HSF2BP: variants seen among roughly 807,000 people sequenced by gnomAD.
The protein encoded by HSF2BP is heat shock transcription factor 2 binding protein.
Under a neutral mutation model 35.0 loss-of-function variants are expected in HSF2BP, and 35 were observed. The observed-to-expected ratio is 1.00, with a 90% CI of 0.76 to 1.32. The LOEUF is 1.32. Ranked by LOEUF, HSF2BP falls within the 40% of genes most tolerant of loss-of-function variation. The pLI is 0.00. For synonymous variants in HSF2BP, 114 were observed against 117.4 expected, an observed-to-expected ratio of 0.97 and a Z score of 0.18; for missense variants, 326 against 321.7, an observed-to-expected ratio of 1.01 and a Z score of -0.10.
intron 7 of HSF2BP, among the ~76,000 whole-genome samples, chr21:43,598,560 A>G (rs1006791058): frequency 6.6e-6 from 1 of 151,880 alleles, no homozygotes; most frequent in Non-Finnish European, 1.5e-5. Flanking sequence ...AATGCTCTGG[A>G]GCCAGAAAAG....
At chr21:43,591,705 C>T (rs2081927616) in intron 8 of HSF2BP, among the ~76,000 whole-genome samples, 7 of 152,204 alleles carry the variant, frequency 4.6e-5, no homozygotes, top group Admixed American at 4.6e-4. Flanking sequence ...AGCCAGTCAA[C>T]CATGGTCTGG....
intron 7 of HSF2BP, among the ~76,000 whole-genome samples, chr21:43,594,444 G>C (rs987924999): frequency 3.9e-5 from 6 of 152,182 alleles, no homozygotes; most frequent in Admixed American, 2.0e-4. Context: ...GTAAGTATTA[G>C]AGCATTCTAA....
intron 4 of HSF2BP, among the ~76,000 whole-genome samples, chr21:43,641,436 C>T (rs1461035488): frequency 6.6e-6 from 1 of 152,200 alleles, no homozygotes; most frequent in Admixed American, 6.5e-5. Context: ...AGTGCACCTC[C>T]TCCACTGACC....
At position 43,571,856 on chromosome 21, in the gene HSF2BP, G is replaced by A. The variant is rs142183905; in HGVS notation, c.796+20369C>T. On this transcript the variant is annotated intron_variant, in intron 8 of 8. Coordinates refer to ENST00000291560, the MANE Select transcript of HSF2BP (RefSeq NM_007031.2). ...ATGGACCCTGACCAGAGCCCCTTCC[G>A]GTTTTCAGTGGGGATGTCAGTGGTG... Among the ~76,000 whole-genome samples, 581 of 141,596 alleles carry A rather than the reference G, an allele frequency of 4.1e-3. 2 individuals are homozygous for A. Among genetic ancestry groups the A allele is most frequent in the Non-Finnish European group, 5.5e-3 (362 of 65,514 alleles). The allele number at this position is 141,596 out of a possible 152,430, so 92.9% of individuals were successfully genotyped here. A position where few individuals can be genotyped will look rare whatever the true frequency, so the allele number is the denominator to read the frequency against.
intron 6 of HSF2BP, among the ~76,000 whole-genome samples, chr21:43,624,296 T>C (rs1314025126): frequency 3.3e-5 from 5 of 152,366 alleles, no homozygotes; most frequent in South Asian, 4.1e-4. Flanking sequence ...CCAGTAAGTT[T>C]AAGCTCAAAA....
chr21:43,467,924 CCA>C, the HSF2BP span, among the ~76,000 whole-genome samples: 219 of 119,470 alleles, frequency 1.8e-3, 5 homozygotes, highest in African/African-American at 7.1e-3. Flanking sequence ...ACCACACACA[CCA>C]CACACCACAC....
At chr21:43,586,357 G>A (rs1461670316) in intron 8 of HSF2BP, among the ~76,000 whole-genome samples, 4 of 152,166 alleles carry the variant, frequency 2.6e-5, no homozygotes, top group Non-Finnish European at 4.4e-5. Flanking sequence ...AACTGGTCTC[G>A]TACTCTGAAT....
intron 6 of HSF2BP, among the ~76,000 whole-genome samples, chr21:43,630,045 C>T (rs535847325): frequency 2.6e-5 from 4 of 152,326 alleles, no homozygotes; most frequent in Non-Finnish European, 4.4e-5. Context: ...ATCAATATCA[C>T]GGCAAGACCC....
At chr21:43,591,661 C>T (rs912482248) in intron 8 of HSF2BP, among the ~76,000 whole-genome samples, 1 of 152,224 alleles carries the variant, frequency 6.6e-6, no homozygotes, top group African/African-American at 2.4e-5. Flanking sequence ...GTAGGCCCCT[C>T]TTATCCACAG....
At chr21:43,651,344 C>T (rs903154203) in intron 3 of HSF2BP, among the ~76,000 whole-genome samples, 3 of 152,192 alleles carry the variant, frequency 2.0e-5, no homozygotes, top group Admixed American at 1.3e-4. Context: ...TCCATACTCT[C>T]ACTGCCGATC....
chr21:43,641,029 G>C (rs772096245), intron 4 of HSF2BP, among the ~76,000 whole-genome samples: 14 of 152,108 alleles, frequency 9.2e-5, no homozygotes. Flanking sequence ...CTGTATTTTA[G>C]CTTAACTACA....
intron 3 of HSF2BP, among the ~76,000 whole-genome samples, chr21:43,649,068 T>G (rs961411846): frequency 2.0e-5 from 3 of 152,054 alleles, no homozygotes; most frequent in African/African-American, 7.2e-5. Flanking sequence ...TAAAAAAATT[T>G]TTTTGAGATG....
chr21:43,657,916 G>C, intron 2 of HSF2BP, 145 bp downstream of exon 2: 3 of 1,465,574 alleles, frequency 2.0e-6, no homozygotes, highest in Non-Finnish European at 9.0e-7. Context: ...CTCCGGCCCA[G>C]CCCACGCCGT....
chr21:43,595,067 C>T (rs896048601), intron 7 of HSF2BP, among the ~76,000 whole-genome samples: 11 of 152,136 alleles, frequency 7.2e-5, no homozygotes, highest in African/African-American at 2.7e-4. Context: ...CCAAGACCAC[C>T]CTGGCCAACA....
At chr21:43,603,950 G>A (rs1334560664) in intron 7 of HSF2BP, among the ~76,000 whole-genome samples, 1 of 152,142 alleles carries the variant, frequency 6.6e-6, no homozygotes, top group Non-Finnish European at 1.5e-5. Flanking sequence ...CCACTGACCT[G>A]CAGGGCCCAC....
chr21:43,596,356 T>C (rs1187142917), intron 7 of HSF2BP, among the ~76,000 whole-genome samples: 2 of 151,812 alleles, frequency 1.3e-5, no homozygotes, highest in South Asian at 2.1e-4. Flanking sequence ...AGAATGAATA[T>C]ACAAAAATAA....
At chr21:43,623,575 G>A (rs371088097) in intron 6 of HSF2BP, among the ~76,000 whole-genome samples, 26 of 152,254 alleles carry the variant, frequency 1.7e-4, no homozygotes, top group African/African-American at 5.3e-4. Context: ...TCTTGTAGAC[G>A]ACACTCCCAT....
intron 7 of HSF2BP, among the ~76,000 whole-genome samples, chr21:43,606,056 C>T (rs542674103): frequency 3.9e-5 from 6 of 152,250 alleles, no homozygotes; most frequent in Admixed American, 1.3e-4. Flanking sequence ...AGCCGCCTGC[C>T]GGGACACCCA....
chr21:43,603,048 G>A (rs575650525), intron 7 of HSF2BP, among the ~76,000 whole-genome samples: 24 of 152,148 alleles, frequency 1.6e-4, no homozygotes, highest in African/African-American at 4.6e-4. Flanking sequence ...AAAATAACCC[G>A]GCCTCCATAA....
Sources: allele counts gnomAD v4.1 joint callset (sites outside exome capture counted in the v4.1 genomes callset), GRCh38; gene constraint gnomAD v4.1.1; transcripts MANE v1.5; gene names NCBI Gene and HGNC (gene_info 2026-07-23, HGNC 2026-07-21).